Variants in AMN observed in about 807,000 individuals in gnomAD.
AMN encodes protein amnionless.
In AMN, 40 loss-of-function variants were observed where a neutral mutation model predicts 49.1. That is an observed-to-expected ratio of 0.81 (90% CI 0.63 to 1.06). AMN has a LOEUF of 1.06. Among genes scored for constraint, AMN ranks in the 50% least tolerant of loss-of-function variants. AMN has a pLI of 0.00. For missense variants in AMN, 701 were observed against 662.8 expected (o/e 1.06, Z -0.63); for synonymous variants, 380 against 313.3 (o/e 1.21, Z -2.25).
At chr14:102,929,816 G>A (rs1891291510) in intron 8 of AMN, 79 bp downstream of exon 8, 3 of 1,542,592 alleles carry the variant, frequency 1.9e-6, no homozygotes, top group Non-Finnish European at 2.6e-6. Flanking sequence ...CCTTCTGCAG[G>A]GTCCCTGCGG....
chr14:102,928,588 G>T (rs965813411), intron 4 of AMN, 75 bp downstream of exon 4: 7 of 1,526,104 alleles, frequency 4.6e-6, no homozygotes, highest in Middle Eastern at 1.8e-4. Flanking sequence ...GGCGCGTCGA[G>T]GGGGGCGAGG....
In AMN at chr14:102,924,347, A is replaced by AC. The variant is rs35713989; in HGVS notation, c.207+376dup. On this transcript the variant is annotated intron_variant, in intron 3 of 11. Transcript: ENST00000299155. ...GAACACTAGGGAAAGTGTCCCCAAC[A>AC]CCCCCCCCTCTACCCACCATCCGGG... Among the ~76,000 whole-genome samples the AC allele has an allele frequency of 5.9e-3, 876 of 149,006 alleles. 10 individuals are homozygous for AC. The highest frequency in any genetic ancestry group is 0.01 in the East Asian group (51 of 5,068).
At position 102,923,750 on chromosome 14, in the gene AMN, C is replaced by A. The variant is rs1165232073; in HGVS notation, c.83C>A (p.Thr28Lys). ...QAVSKLWVPNTDFDVAANWSQ... is the reference protein window; with the variant it reads ...QAVSKLWVPNKDFDVAANWSQ... Reference sequence around the variant, plus strand: ...GTCTCCAAACTCTGGGTCCCCAACACGGACTTCGACGTCGCAGCCAACTGG... The same window carrying A: ...GTCTCCAAACTCTGGGTCCCCAACAAGGACTTCGACGTCGCAGCCAACTGG... The change falls in exon 2 of 12, where the codon ACG (threonine) becomes AAG (lysine). Residue 28 changes from threonine (T) to lysine (K), a missense_variant. Transcript: ENST00000299155. 1 of 1,612,830 alleles carries A rather than the reference C, an allele frequency of 6.2e-7. No homozygotes were observed. The highest frequency in any genetic ancestry group is 8.5e-7 in the Non-Finnish European group (1 of 1,179,878).
intron 3 of AMN, 122 bp from the exon 4 acceptor site, chr14:102,928,304 C>T: frequency 3.5e-6 from 3 of 868,328 alleles, no homozygotes; most frequent in South Asian, 3.1e-5. Context: ...CGGGCCTGAG[C>T]TCGCCCGGGC....
intron 7 of AMN, 57 bp downstream of exon 7, chr14:102,929,593 C>T (rs1247132600): frequency 1.3e-6 from 2 of 1,546,662 alleles, no homozygotes; most frequent in East Asian, 2.4e-5. Context: ...CAGGTTCGTC[C>T]CCCGCCTCAG....
chr14:102,923,291 T>C lies in AMN; in HGVS notation c.44-420T>C, dbSNP rs1891103575. 1.4e-5 allele frequency: 4 copies of C among 295,264 alleles called. No individual in the cohort carries two copies. The South Asian group carries it at 1.4e-4, about 10-fold the overall frequency. 18.3% of individuals were successfully genotyped at this position (295,264 alleles called of 1,614,324 possible). A position where few individuals can be genotyped will look rare whatever the true frequency, so the allele number is the denominator to read the frequency against. ...ATACCGGGTTGCGCTCTGTCGCAGC[T>C]CTTCCCGGCCCAGGTAGGACTCCTC... On this transcript the variant is annotated intron_variant, in intron 1 of 11. Transcript: ENST00000299155.
Position 102,929,236 on chromosome 14 carries a change from G to A in AMN, c.629G>A (p.Gly210Asp). 1.3e-6 allele frequency: 2 copies of A among 1,514,394 alleles called. No homozygotes were observed. Among genetic ancestry groups the A allele is most frequent in the South Asian group, 2.5e-5 (2 of 79,458 alleles). The allele number at this position is 1,514,394 out of a possible 1,614,324, so 93.8% of individuals were successfully genotyped here. ...CCCGAGGACTGCGCGGACCCGTCGGGCTGCGTCTGCGGCAACGCGGAGGTG... is the reference window on the plus strand; with the variant it reads ...CCCGAGGACTGCGCGGACCCGTCGGACTGCGTCTGCGGCAACGCGGAGGTG... ...VGPEDCADPS[G>D]CVCGNAEAQP... is the part of the protein sequence containing the mutation. Residue 210 changes from glycine (G) to aspartate (D), a missense_variant, in exon 6 of 12, where the codon GGC (glycine) becomes GAC (aspartate). Physicochemically the swap from Gly to Asp is moderately conservative, Grantham distance 94 (BLOSUM62 -1). Coordinates refer to ENST00000299155, the MANE Select transcript of AMN (RefSeq NM_030943.4).
chr14:102,923,994 C>A lies in AMN; in HGVS notation c.207+15C>A. On this transcript the variant is annotated intron_variant, in intron 3 of 11. Coordinates refer to ENST00000299155, the MANE Select transcript of AMN (RefSeq NM_030943.4). ...TCTCAGACATGGTAAGGCCGGGCTG[C>A]TACTGCCACTGGGCTGGGGGTTCAC... 6.2e-7 allele frequency: 1 copy of A among 1,613,244 alleles called. No individual in the cohort carries two copies.
At chr14:102,929,583 C>A in intron 7 of AMN, 47 bp downstream of exon 7, 1 of 1,545,560 alleles carries the variant, frequency 6.5e-7, no homozygotes, top group Middle Eastern at 2.2e-4. Context: ...CCTGGAGGAC[C>A]AGGTTCGTCC....
chr14:102,929,304 G>T, intron 6 of AMN, 46 bp downstream of exon 6: 1 of 1,449,696 alleles, frequency 6.9e-7, no homozygotes, highest in South Asian at 1.4e-5. Context: ...CGAGGGTCGG[G>T]ACTGTGCCCG....
rs1354241478 is a variant in AMN at position 102,930,648 on chromosome 14, C to G, written c.1330C>G (p.Pro444Ala). 2.5e-6 allele frequency: 4 copies of G among 1,599,084 alleles called. No homozygotes were observed. The highest frequency in any genetic ancestry group is 2.3e-5 in the East Asian group (1 of 44,150). Residue 444 changes from proline to alanine, a missense_variant, in exon 12 of 12, where the codon CCT (proline) becomes GCT (alanine). By Grantham distance (27) the Pro-to-Ala change is conservative. Transcript: ENST00000299155. ...DSTSHSYFVN[P>A]LFAGAEAEA Reference sequence around the variant, plus strand: ...CACCAGCCACAGTTACTTCGTCAACCCTCTGTTCGCCGGGGCCGAGGCCGA... The same window carrying G: ...CACCAGCCACAGTTACTTCGTCAACGCTCTGTTCGCCGGGGCCGAGGCCGA...
chr14:102,929,774 A>G, intron 8 of AMN, 37 bp downstream of exon 8: 1 of 1,546,548 alleles, frequency 6.5e-7, no homozygotes, highest in South Asian at 1.2e-5. Flanking sequence ...GGGAGTCCCG[A>G]CCCCAGCCCT....
In AMN at chr14:102,922,795, G is replaced by A. The variant is rs1595429697; in HGVS notation, c.43+64G>A. On this transcript the variant is annotated intron_variant, in intron 1 of 11. Transcript: ENST00000299155. ...CGGTCTGTCAGGACCCAGGGCCGAGGTCGCTCTAGGCCTGGAGGGTGAAGA... is the reference window on the plus strand; with the variant it reads ...CGGTCTGTCAGGACCCAGGGCCGAGATCGCTCTAGGCCTGGAGGGTGAAGA... The A allele has an allele frequency of 2.6e-6, 4 of 1,536,098 alleles. No homozygotes were observed. In the East Asian group the frequency reaches 7.2e-5, roughly 28 times the overall value.
Position 102,923,927 on chromosome 14 carries a change from T to C in AMN, c.163-8T>C, listed in dbSNP as rs1297592997. The C allele has an allele frequency of 1.2e-6, 2 of 1,613,128 alleles. No homozygotes were observed. Among genetic ancestry groups the C allele is most frequent in the African/African-American group, 1.3e-5 (1 of 75,042 alleles). ...TCCCGGCTCGGCTGAGGCAGCTTCT[T>C]CCTGCAGATGGTGTCAGTCCTGGTG... On this transcript the variant is annotated splice_region_variant and splice_polypyrimidine_tract_variant and intron_variant, in intron 2 of 11. Coordinates refer to ENST00000299155, the MANE Select transcript of AMN (RefSeq NM_030943.4).
rs761239185 is a variant in AMN, at chr14:102,930,558, G to A, written c.1258-18G>A. 4.5e-6 allele frequency: 7 copies of A among 1,559,308 alleles called. No individual in the cohort carries two copies. Among genetic ancestry groups the A allele is most frequent in the Non-Finnish European group, 5.2e-6 (6 of 1,153,538 alleles). On this transcript the variant is annotated intron_variant, in intron 11 of 11. Transcript: ENST00000299155. ...CGGGACTCGGCGCCGACCGCCGCCT[G>A]ACCCTGTCACCCCGCAGCCCCTGCC... is the stretch of plus-strand genomic sequence containing the variant.
rs1891316018 is a variant in AMN at position 102,930,387 on chromosome 14, G to T, written c.1170-19G>T. The T allele has an allele frequency of 1.3e-6, 2 of 1,502,318 alleles. No individual in the cohort carries two copies. The highest frequency in any genetic ancestry group is 1.4e-5 in the African/African-American group (1 of 69,494). The allele number at this position is 1,502,318 out of a possible 1,614,324, so 93.1% of individuals were successfully genotyped here. On this transcript the variant is annotated intron_variant, in intron 10 of 11. Coordinates refer to ENST00000299155, the MANE Select transcript of AMN (RefSeq NM_030943.4). ...GGTTGCTCCGAGGGGCTCACGCTGC[G>T]TCCCCGCTACGCCCTCAGGTGGAGG...
chr14:102,924,085 C>G, intron 3 of AMN, 106 bp downstream of exon 3: 1 of 1,500,544 alleles, frequency 6.7e-7, no homozygotes, highest in Non-Finnish European at 9.2e-7. Flanking sequence ...CATGGAGGCA[C>G]TGCAGGACTG....
In AMN at chr14:102,930,639, T is replaced by C; in HGVS notation, c.1321T>C (p.Phe441Leu). 1 of 1,601,760 alleles carries C rather than the reference T, an allele frequency of 6.2e-7. No individual in the cohort carries two copies. Among genetic ancestry groups the C allele is most frequent in the Non-Finnish European group, 8.5e-7 (1 of 1,175,410 alleles). ...AAADSTSHSY[F>L]VNPLFAGAEA... ...CGCAGACAGCACCAGCCACAGTTAC[T>C]TCGTCAACCCTCTGTTCGCCGGGGC... The change falls in exon 12 of 12, where the codon TTC becomes CTC. Residue 441 changes from phenylalanine to leucine, a missense_variant. Transcript: ENST00000299155.
intron 1 of AMN, chr14:102,922,976 C>A: frequency 1.9e-6 from 1 of 540,304 alleles, no homozygotes; most frequent in Non-Finnish European, 3.2e-6. Context: ...CCTCGGCCAG[C>A]CCCGGCCTCC....
Sources: gnomAD v4.1 joint callset for allele counts (sites outside exome capture counted in the v4.1 genomes callset) on GRCh38, gnomAD v4.1.1 for gene constraint, MANE v1.5 for transcripts, NCBI Gene and HGNC (gene_info 2026-07-23, HGNC 2026-07-21) for gene names.